The following FAM83H variants were observed in gnomAD, a reference collection of about 807,000 sequenced individuals.
The protein encoded by FAM83H is protein FAM83H.
A neutral mutation model predicts 30.2 loss-of-function variants in FAM83H; 24 were observed. The ratio of observed to expected loss-of-function variants is 0.79; its 90% CI spans 0.57 to 1.12. The LOEUF is 1.12. FAM83H is among the 50% of genes most tolerant of loss of function. The pLI, the probability that FAM83H is intolerant of heterozygous loss-of-function variation, is 0.00. For synonymous variants in FAM83H, 1,013 were observed against 821.7 expected (o/e 1.23, Z -3.98); for missense variants, 2,038 against 1,773.9 (o/e 1.15, Z -2.67).
At position 143,727,674 on chromosome 8, in the gene FAM83H, C is replaced by G; in HGVS notation, c.1787G>C (p.Gly596Ala). 6.4e-7 allele frequency: 1 copy of G among 1,568,440 alleles called. No homozygotes were observed. The highest frequency in any genetic ancestry group is 8.6e-7 in the Non-Finnish European group (1 of 1,164,970). Reference sequence around the variant, plus strand: ...CATGGGCGCCGGTAGGCCGTCGTCGCCCCCATCCTCGCCGTGGCAGCCGCT... The same window carrying G: ...CATGGGCGCCGGTAGGCCGTCGTCGGCCCCATCCTCGCCGTGGCAGCCGCT... ...YLSGCHGEDGGDDGLPAPMEA... is the reference protein window; with the variant it reads ...YLSGCHGEDGADDGLPAPMEA... Residue 596 changes from glycine (G) to alanine (A), a missense_variant, in exon 5 of 5, where the codon GGC (glycine) becomes GCC (alanine). Gly to Ala is a moderately conservative substitution (Grantham distance 60, BLOSUM62 0). Coordinates refer to ENST00000388913, the MANE Select transcript of FAM83H (RefSeq NM_198488.5).
rs1554622582 is a variant in FAM83H at position 143,727,455 on chromosome 8, C to T, written c.2006G>A (p.Arg669His). ...EPGLAKQDSFRSRLNPLVQRS... is the reference protein window; with the variant it reads ...EPGLAKQDSFHSRLNPLVQRS... ...CTGGACCAGGGGGTTCAGGCGCGAG[C>T]GGAATGAGTCCTGCTTGGCCAGGCC... Residue 669 changes from arginine (R) to histidine (H), a missense_variant, in exon 5 of 5, where the codon CGC (arginine) becomes CAC (histidine). Coordinates refer to ENST00000388913, the MANE Select transcript of FAM83H (RefSeq NM_198488.5). The T allele has an allele frequency of 5.1e-6, 8 of 1,569,660 alleles. No homozygotes were observed. Among genetic ancestry groups the T allele is most frequent in the Non-Finnish European group, 6.9e-6 (8 of 1,165,322 alleles).
In FAM83H at chr8:143,725,299, AGAG is replaced by A. The variant is rs1818247444; in HGVS notation, c.*619_*621del. 1 of 154,644 alleles carries A rather than the reference AGAG, an allele frequency of 6.5e-6. No individual in the cohort carries two copies. The highest frequency in any genetic ancestry group is 2.4e-5 in the African/African-American group (1 of 41,404). The allele number at this position is 154,644 out of a possible 1,614,324, so 9.6% of individuals were successfully genotyped here. ...GAGGCACAGAGGCGAGACCCTTGCA[AGAG>A]GATAGGGGACTTAGCGGGGTGCAAG... On this transcript the variant is annotated 3_prime_UTR_variant, in exon 5 of 5. Coordinates refer to ENST00000388913, the MANE Select transcript of FAM83H (RefSeq NM_198488.5).
Position 143,727,266 on chromosome 8 carries a change from G to A in FAM83H, c.2195C>T (p.Thr732Ile). 3 of 1,535,460 alleles carry A rather than the reference G, an allele frequency of 2.0e-6. No homozygotes were observed. Among genetic ancestry groups the A allele is most frequent in the Non-Finnish European group, 2.6e-6 (3 of 1,146,554 alleles). The change falls in exon 5 of 5, where the codon ACC becomes ATC. Residue 732 changes from threonine (T) to isoleucine (I), a missense_variant. Thr to Ile is a moderately conservative substitution (Grantham distance 89, BLOSUM62 -1). Transcript: ENST00000388913. ...CTTCTCCAGCAGCTCCGCCACCTTG[G>A]TGGAAGCCGCGGAGCGCACGGCCTC... ...GGEAVRSAAS[T>I]KVAELLEKYK...
rs781802434 is a variant in FAM83H, at chr8:143,730,532, G to C, written c.51C>G (p.Pro17=). Residue 17 remains proline (P), a synonymous_variant, in exon 2 of 5, where the codon CCC becomes CCG. Transcript: ENST00000388913. ...CTTTGTAGTGAGGCGGCAGGTACCCGGGTGCCAGTGGGTTGTCCCCCTGCG... is the reference window on the plus strand; with the variant it reads ...CTTTGTAGTGAGGCGGCAGGTACCCCGGTGCCAGTGGGTTGTCCCCCTGCG... ...SSSQGDNPLA[P]GYLPPHYKEY... 4.4e-6 allele frequency: 7 copies of C among 1,573,562 alleles called. No homozygotes were observed. Among genetic ancestry groups the C allele is most frequent in the Non-Finnish European group, 6.0e-6 (7 of 1,157,920 alleles).
Position 143,728,487 on chromosome 8 carries a change from C to G in FAM83H, c.974G>C (p.Arg325Pro). The G allele has an allele frequency of 6.4e-7, 1 of 1,554,464 alleles. No individual in the cohort carries two copies. Among genetic ancestry groups the G allele is most frequent in the Non-Finnish European group, 8.7e-7 (1 of 1,148,974 alleles). Residue 325 changes from arginine (R) to proline (P), a missense_variant, in exon 5 of 5, where the codon CGA becomes CCA. Physicochemically the swap from Arg to Pro is moderately radical, Grantham distance 103. Coordinates refer to ENST00000388913, the MANE Select transcript of FAM83H (RefSeq NM_198488.5). ...GGGTGGCGGGAACAGGAGGTGCGCT[C>G]GTTTAGGGAAGGAGAAGGGGGTTGG... Reference protein sequence around the residue: ...GAPTPFSFPKRAHLLFPPPRE... With the variant: ...GAPTPFSFPKPAHLLFPPPRE...
chr8:143,732,517 G>A (rs1027948195), intron 1 of FAM83H: 4 of 985,238 alleles, frequency 4.1e-6, no homozygotes, highest in Non-Finnish European at 1.2e-6. Context: ...ACTCTAGAAA[G>A]GACCCCCACT....
In FAM83H at chr8:143,728,107, G is replaced by C. The variant is rs1554623120; in HGVS notation, c.1354C>G (p.Gln452Glu). ...CACTGGTACTGCTGCTGGTAGAGCT[G>C]GTCACGGTGGAAGTGGCTGGTCTGG... ...RFQTSHFHRD[Q>E]LYQQQYQWDP... The change falls in exon 5 of 5, where the codon CAG becomes GAG. Residue 452 changes from glutamine to glutamate, a missense_variant. Coordinates refer to ENST00000388913, the MANE Select transcript of FAM83H (RefSeq NM_198488.5). The C allele has an allele frequency of 4.3e-6, 7 of 1,610,886 alleles. No homozygotes were observed. In the South Asian group the frequency reaches 7.7e-5, roughly 18 times the overall value.
Position 143,725,804 on chromosome 8 carries a change from G to C in FAM83H, c.*117C>G. The stretch of plus-strand genomic sequence containing the variant: ...GGCGCACTCAGCCAAGCCCCAAGCG[G>C]CCGTGGCCTGACAGCCGCTGCTCAA... On this transcript the variant is annotated 3_prime_UTR_variant, in exon 5 of 5. Transcript: ENST00000388913. The C allele has an allele frequency of 2.5e-5, 38 of 1,527,170 alleles. No individual in the cohort carries two copies. The highest frequency in any genetic ancestry group is 3.4e-5 in the Non-Finnish European group (38 of 1,132,136). The allele number at this position is 1,527,170 out of a possible 1,614,324, so 94.6% of individuals were successfully genotyped here. A position where few individuals can be genotyped will look rare whatever the true frequency, so the allele number is the denominator to read the frequency against.
Position 143,728,244 on chromosome 8 carries a change from G to A in FAM83H, c.1217C>T (p.Ala406Val). 3 of 1,577,454 alleles carry A rather than the reference G, an allele frequency of 1.9e-6. No individual in the cohort carries two copies. Among genetic ancestry groups the A allele is most frequent in the East Asian group, 2.3e-5 (1 of 43,408 alleles). The stretch of plus-strand genomic sequence containing the variant: ...GGTCGCGAAGCTGTGCCGCTTGAAG[G>A]CGTCCATCTCCAGGTGCCGCGCCTG... ...FFQARHLEMD[A>V]FKRHSFATEG... The change falls in exon 5 of 5, where the codon GCC becomes GTC. Residue 406 changes from alanine to valine, a missense_variant. Coordinates refer to ENST00000388913, the MANE Select transcript of FAM83H (RefSeq NM_198488.5).
At position 143,728,399 on chromosome 8, in the gene FAM83H, G is replaced by A; in HGVS notation, c.1062C>T (p.Phe354=). ...LDPDRHFLSA[F]RREEPPRMPG... is the part of the protein sequence containing the mutation. ...GCATCCGCGGCGGCTCCTCCCGGCG[G>A]AAGGCCGACAGGAAGTGGCGGTCCG... The change falls in exon 5 of 5, where the codon TTC becomes TTT. Residue 354 remains phenylalanine (F), a synonymous_variant. Transcript: ENST00000388913. 6.5e-7 allele frequency: 1 copy of A among 1,547,262 alleles called. No homozygotes were observed. Among genetic ancestry groups the A allele is most frequent in the Non-Finnish European group, 8.7e-7 (1 of 1,145,056 alleles).
Position 143,729,296 on chromosome 8 carries a change from T to A in FAM83H, c.475A>T (p.Thr159Ser). 1 of 1,613,106 alleles carries A rather than the reference T, an allele frequency of 6.2e-7. No homozygotes were observed. The highest frequency in any genetic ancestry group is 8.5e-7 in the Non-Finnish European group (1 of 1,179,974). The change falls in exon 3 of 5, where the codon ACT becomes TCT. Residue 159 changes from threonine to serine, a missense_variant. By Grantham distance (58) the Thr-to-Ser change is moderately conservative. Transcript: ENST00000388913. Reference protein sequence around the residue: ...QVVAVVMDMFTDVDLLSEVLE... With the variant: ...QVVAVVMDMFSDVDLLSEVLE... ...ACTTCGCTGAGCAGGTCCACATCAG[T>A]GAACATGTCCATCACCACGGCCACC...
Position 143,727,645 on chromosome 8 carries a change from C to T in FAM83H, c.1816G>A (p.Ala606Thr), listed in dbSNP as rs782621296. Reference sequence around the variant, plus strand: ...AGCACGTCGTCTTCGTAAGCCTCCGCTTCCATGGGCGCCGGTAGGCCGTCG... The same window carrying T: ...AGCACGTCGTCTTCGTAAGCCTCCGTTTCCATGGGCGCCGGTAGGCCGTCG... ...GDDGLPAPME[A>T]EAYEDDVLAP... Residue 606 changes from alanine (A) to threonine (T), a missense_variant, in exon 5 of 5, where the codon GCG becomes ACG. By Grantham distance (58) the Ala-to-Thr change is moderately conservative (BLOSUM62 0). Coordinates refer to ENST00000388913, the MANE Select transcript of FAM83H (RefSeq NM_198488.5). 46 of 1,577,480 alleles carry T rather than the reference C, an allele frequency of 2.9e-5. No individual in the cohort carries two copies. Among genetic ancestry groups the T allele is most frequent in the Non-Finnish European group, 2.9e-5 (34 of 1,169,170 alleles).
chr8:143,728,605 G>A lies in FAM83H; in HGVS notation c.856C>T (p.Pro286Ser), dbSNP rs782319680. 1.9e-6 allele frequency: 3 copies of A among 1,609,628 alleles called. No individual in the cohort carries two copies. The South Asian group carries it at 3.3e-5, about 18-fold the overall frequency. Residue 286 changes from proline to serine, a missense_variant, in exon 5 of 5, where the codon CCC becomes TCC. By Grantham distance (74) the Pro-to-Ser change is moderately conservative (BLOSUM62 -1). Coordinates refer to ENST00000388913, the MANE Select transcript of FAM83H (RefSeq NM_198488.5). Reference sequence around the variant, plus strand: ...ATGCGGGCCAGGGCCGCGGCCGAGGGCACAAGCGGCTCGGACTGCGCGAAG... The same window carrying A: ...ATGCGGGCCAGGGCCGCGGCCGAGGACACAAGCGGCTCGGACTGCGCGAAG... ...ILFAQSEPLV[P>S]SAAALARMDA...
chr8:143,728,957 G>A lies in FAM83H; in HGVS notation c.737+10C>T, dbSNP rs570567512. 4.2e-5 allele frequency: 67 copies of A among 1,613,442 alleles called. No homozygotes were observed. Among genetic ancestry groups the A allele is most frequent in the South Asian group, 9.9e-5 (9 of 91,090 alleles). On this transcript the variant is annotated intron_variant, in intron 4 of 4. Transcript: ENST00000388913. Reference sequence around the variant, plus strand: ...CCAGAGAAGGGGGTGAGGGAGCCCCGCGGGCGCACCTGTAGCTCCCACTCA... The same window carrying A: ...CCAGAGAAGGGGGTGAGGGAGCCCCACGGGCGCACCTGTAGCTCCCACTCA...
chr8:143,725,763 A>C lies in FAM83H; in HGVS notation c.*158T>G. The C allele has an allele frequency of 7.7e-7, 1 of 1,300,314 alleles. No individual in the cohort carries two copies. The highest frequency in any genetic ancestry group is 1.0e-6 in the Non-Finnish European group (1 of 955,060). 80.5% of individuals were successfully genotyped at this position (1,300,314 alleles called of 1,614,324 possible). On this transcript the variant is annotated 3_prime_UTR_variant, in exon 5 of 5. Coordinates refer to ENST00000388913, the MANE Select transcript of FAM83H (RefSeq NM_198488.5). ...GACGGCAGCTGCCAGGTGAGCCTCC[A>C]GTGGAGCCGAGGTCTGGCGCACTCA...
In FAM83H at chr8:143,726,721, T is replaced by C. The variant is rs1463265044; in HGVS notation, c.2740A>G (p.Ser914Gly). Residue 914 changes from serine (S) to glycine (G), a missense_variant, in exon 5 of 5, where the codon AGT becomes GGT. Transcript: ENST00000388913. ...CGCTCCGGCACGGGGGGCACCGGAC[T>C]ACCCCTGCGCTCGGGGTAGGCTGAG... The part of the protein sequence containing the change: ...PTSAYPERRG[S>G]PVPPVPERRS... The C allele has an allele frequency of 5.0e-6, 8 of 1,608,720 alleles. No individual in the cohort carries two copies. The highest frequency in any genetic ancestry group is 1.7e-5 in the Admixed American group (1 of 59,786).
chr8:143,728,555 A>G lies in FAM83H; in HGVS notation c.906T>C (p.Tyr302=). 1.3e-6 allele frequency: 2 copies of G among 1,583,074 alleles called. No individual in the cohort carries two copies. Among genetic ancestry groups the G allele is most frequent in the East Asian group, 2.3e-5 (1 of 42,938 alleles). The stretch of plus-strand genomic sequence containing the variant: ...CGCCCACGAGAGGCCCGGCCCCGGC[A>G]TACGGAGCCAGGGCATAGGCGTCCA... ...ARMDAYALAP[Y]AGAGPLVGVP... The change falls in exon 5 of 5, where the codon TAT becomes TAC. Residue 302 remains tyrosine, a synonymous_variant. Coordinates refer to ENST00000388913, the MANE Select transcript of FAM83H (RefSeq NM_198488.5).
rs782123049 is a variant in FAM83H at position 143,726,785 on chromosome 8, A to T, written c.2676T>A (p.Ser892Arg). 1 of 1,611,934 alleles carries T rather than the reference A, an allele frequency of 6.2e-7. No individual in the cohort carries two copies. The highest frequency in any genetic ancestry group is 1.1e-5 in the South Asian group (1 of 91,044). The change falls in exon 5 of 5, where the codon AGT (serine) becomes AGA (arginine). Residue 892 changes from serine to arginine, a missense_variant. Ser to Arg is a moderately radical substitution (Grantham distance 110). Coordinates refer to ENST00000388913, the MANE Select transcript of FAM83H (RefSeq NM_198488.5). ...PTPGFSTRRG[S>R]PTTGFIEQKG... ...TCTGCTCGATAAATCCTGTAGTTGGACTTCCTCTTCGAGTGGAAAACCCAG... is the reference window on the plus strand; with the variant it reads ...TCTGCTCGATAAATCCTGTAGTTGGTCTTCCTCTTCGAGTGGAAAACCCAG...
rs1188394095 is a variant in FAM83H, at chr8:143,725,894, C to T, written c.*27G>A. 6.2e-7 allele frequency: 1 copy of T among 1,610,434 alleles called. No homozygotes were observed. The highest frequency in any genetic ancestry group is 2.2e-5 in the East Asian group (1 of 44,858). On this transcript the variant is annotated 3_prime_UTR_variant, in exon 5 of 5. Transcript: ENST00000388913. ...TGACCGGGGCAGCGATGCGGGCACC[C>T]TGGCCTGGGTTGCCAGGCCAGAAGA...
Sources: allele counts gnomAD v4.1 joint callset, GRCh38; gene constraint gnomAD v4.1.1; transcripts MANE v1.5; gene names NCBI Gene and HGNC (gene_info 2026-07-23, HGNC 2026-07-21).